Variants in SDK1 observed in about 807,000 individuals in gnomAD.
The protein encoded by SDK1 is sidekick cell adhesion molecule 1.
Under a neutral mutation model 245.5 loss-of-function variants are expected in SDK1, and 157 were observed. The ratio of observed to expected loss-of-function variants is 0.64; its 90% CI spans 0.56 to 0.73. The LOEUF is 0.73. Ranked by LOEUF, SDK1 falls within the 30% of genes least tolerant of loss-of-function variation. The pLI is 0.00. For missense variants in SDK1, 3,583 were observed against 3,002.3 expected (o/e 1.19, Z -4.52); for synonymous variants, 1,647 against 1,278.5 (o/e 1.29, Z -6.15).
chr7:3,974,461 C>T lies in SDK1; in HGVS notation c.1910C>T (p.Thr637Met), dbSNP rs201846825. ...EKDGSLLISQ[T>M]WSGDIGDYSC... ...GACGGGTCCCTTCTCATCAGCCAGA[C>T]GTGGTCAGGCGACATCGGTGACTAC... The change falls in exon 13 of 45, where the codon ACG becomes ATG. Residue 637 changes from threonine to methionine, a missense_variant. Coordinates refer to ENST00000404826, the MANE Select transcript of SDK1 (RefSeq NM_152744.4). 27 of 1,614,070 alleles carry T rather than the reference C, an allele frequency of 1.7e-5. No individual in the cohort carries two copies. The highest frequency in any genetic ancestry group is 4.0e-5 in the African/African-American group (3 of 75,002).
chr7:4,150,956 C>A (rs1388463420), intron 30 of SDK1, among the ~76,000 whole-genome samples: 1 of 152,242 alleles, frequency 6.6e-6, no homozygotes, highest in African/African-American at 2.4e-5. Flanking sequence ...TGCCACTTGC[C>A]GTTGAGTGAT....
intron 1 of SDK1, among the ~76,000 whole-genome samples, chr7:3,580,397 G>A (rs1271366916): frequency 2.0e-5 from 3 of 152,090 alleles, no homozygotes; most frequent in African/African-American, 7.2e-5. Flanking sequence ...AAATTATACT[G>A]CAGGGCTACA....
chr7:3,410,804 C>G (rs1023756806), intron 1 of SDK1, among the ~76,000 whole-genome samples: 3 of 151,982 alleles, frequency 2.0e-5, no homozygotes, highest in Non-Finnish European at 2.9e-5. Flanking sequence ...CCATGCTGGT[C>G]TCGAACTCCT....
chr7:3,693,956 C>A (rs192980751), intron 4 of SDK1, among the ~76,000 whole-genome samples: 84 of 152,282 alleles, frequency 5.5e-4, no homozygotes, highest in African/African-American at 1.8e-3. Flanking sequence ...CTGCATGCTG[C>A]CTTGCTCCCT....
intron 1 of SDK1, among the ~76,000 whole-genome samples, chr7:3,398,630 A>G (rs1234329079): frequency 1.3e-5 from 2 of 150,220 alleles, no homozygotes; most frequent in Non-Finnish European, 2.9e-5. Flanking sequence ...TGCTGAGCAC[A>G]TGATTTATTT....
rs758555242 is a variant in SDK1, at chr7:3,958,978, G to A, written c.1198G>A (p.Val400Ile). 1 of 1,614,112 alleles carries A rather than the reference G, an allele frequency of 6.2e-7. No individual in the cohort carries two copies. The highest frequency in any genetic ancestry group is 8.5e-7 in the Non-Finnish European group (1 of 1,179,978). Residue 400 changes from valine to isoleucine, a missense_variant, in exon 8 of 45, where the codon GTA becomes ATA. Transcript: ENST00000404826. ...AEPESRISAE[V>I]EETVDIGCQA... ...GCCCGAGAGTCGGATTTCAGCTGAA[G>A]TAGAAGAAACTGTGGACATCGGATG...
chr7:3,390,429 A>G (rs746629767), intron 1 of SDK1, among the ~76,000 whole-genome samples: 1 of 152,146 alleles, frequency 6.6e-6, no homozygotes, highest in African/African-American at 2.4e-5. Flanking sequence ...GCATCCTCTT[A>G]TTGTGCACAA....
chr7:3,632,029 C>T (rs1031404079), intron 2 of SDK1, among the ~76,000 whole-genome samples: 1 of 151,880 alleles, frequency 6.6e-6, no homozygotes, highest in African/African-American at 2.4e-5. Flanking sequence ...TATAATGGTC[C>T]CCAACTTTTA....
At chr7:4,019,225 A>G (rs1328164953) in intron 17 of SDK1, among the ~76,000 whole-genome samples, 1 of 152,178 alleles carries the variant, frequency 6.6e-6, no homozygotes, top group Non-Finnish European at 1.5e-5. Context: ...TCATTTTCAG[A>G]CACCTGTTCA....
chr7:3,988,773 TTTTG>T (rs974871759), intron 14 of SDK1, among the ~76,000 whole-genome samples: 19 of 152,216 alleles, frequency 1.2e-4, no homozygotes, highest in African/African-American at 4.1e-4. Context: ...ACCTTTTGTT[TTTTG>T]TTTGTTTATT....
At chr7:4,061,689 T>A (rs1285848783) in intron 19 of SDK1, among the ~76,000 whole-genome samples, 1 of 152,112 alleles carries the variant, frequency 6.6e-6, no homozygotes, top group Non-Finnish European at 1.5e-5. Flanking sequence ...ACACGTATGT[T>A]TATTGCTGCA....
intron 4 of SDK1, among the ~76,000 whole-genome samples, chr7:3,664,651 A>T (rs1193143282): frequency 6.6e-6 from 1 of 151,908 alleles, no homozygotes; most frequent in African/African-American, 2.4e-5. Flanking sequence ...GAGGCACAAG[A>T]ATCGCTTGAA....
At chr7:3,655,285 T>A (rs921653413) in intron 4 of SDK1, among the ~76,000 whole-genome samples, 2 of 150,660 alleles carry the variant, frequency 1.3e-5, no homozygotes, top group South Asian at 4.2e-4. Flanking sequence ...AATACAAAAT[T>A]AGCCAGACGT....
At chr7:4,132,860 A>G (rs667645) in intron 28 of SDK1, among the ~76,000 whole-genome samples, 59,975 of 152,094 alleles carry the variant, frequency 0.39, 13,128 homozygotes, top group East Asian at 0.75. Context: ...CATTTCCTGA[A>G]CCGAGATGAT....
At chr7:3,974,220 GAAAAATCACTCTTTT>G (rs1289403861) in intron 12 of SDK1, 134 bp from the exon 13 acceptor site, 8 of 490,620 alleles carry the variant, frequency 1.6e-5, no homozygotes, top group Non-Finnish European at 2.4e-5. Context: ...AAAAAGAAAA[GAAAAATCACTCTTTT>G]AAAGAGCACA....
chr7:3,934,428 C>G (rs997670370), intron 5 of SDK1, among the ~76,000 whole-genome samples: 1 of 152,342 alleles, frequency 6.6e-6, no homozygotes, highest in East Asian at 1.9e-4. Flanking sequence ...ATGCAAAGAA[C>G]ATCTGATTAT....
At chr7:3,873,216 A>T (rs566131064) in intron 5 of SDK1, among the ~76,000 whole-genome samples, 10 of 152,100 alleles carry the variant, frequency 6.6e-5, no homozygotes, top group Non-Finnish European at 1.5e-5. Flanking sequence ...TACTGGGTGT[A>T]GAATCCTGTA....
chr7:4,215,200 G>A (rs1383958173), intron 38 of SDK1, among the ~76,000 whole-genome samples: 1 of 152,254 alleles, frequency 6.6e-6, no homozygotes, highest in Non-Finnish European at 1.5e-5. Flanking sequence ...GAGGATGGCA[G>A]ATCAGACTCA....
chr7:3,875,837 G>GTGGAGGAATTA (rs1781062628), intron 5 of SDK1, among the ~76,000 whole-genome samples: 2 of 152,068 alleles, frequency 1.3e-5, no homozygotes, highest in Admixed American at 1.3e-4. Context: ...CCACCTTCAG[G>GTGGAGGAATTA]CCCCTTAATA....
Sources: allele counts gnomAD v4.1 joint callset (sites outside exome capture counted in the v4.1 genomes callset), GRCh38; gene constraint gnomAD v4.1.1; transcripts MANE v1.5; gene names NCBI Gene and HGNC (gene_info 2026-07-23, HGNC 2026-07-21).